PDGFRB: variants seen among roughly 807,000 people sequenced by gnomAD.
The protein encoded by PDGFRB is platelet-derived growth factor receptor beta.
Under a neutral mutation model 120.2 loss-of-function variants are expected in PDGFRB, and 42 were observed. That is an observed-to-expected ratio of 0.35 (90% CI 0.27 to 0.45). PDGFRB has a LOEUF of 0.45. PDGFRB is among the 20% of genes least tolerant of loss of function. PDGFRB has a pLI of 1.00. For missense variants in PDGFRB, 1,149 were observed against 1,476.3 expected, an observed-to-expected ratio of 0.78 and a Z score of 3.63; for synonymous variants, 586 against 606.8, an observed-to-expected ratio of 0.97 and a Z score of 0.50.
intron 1 of PDGFRB, among the ~76,000 whole-genome samples, chr5:150,152,432 AC>A (rs1761102474): frequency 1.3e-5 from 2 of 151,946 alleles, no homozygotes; most frequent in African/African-American, 2.4e-5. Flanking sequence ...GGGGCCCAAC[AC>A]CCCTTCCCTT....
chr5:150,115,933 C>T lies in PDGFRB; in HGVS notation c.3151G>A (p.Glu1051Lys), dbSNP rs1205902689. Residue 1051 changes from glutamate to lysine, a missense_variant, in exon 23 of 23, where the codon GAA becomes AAA. By Grantham distance (56) the Glu-to-Lys change is moderately conservative (BLOSUM62 1). Transcript: ENST00000261799. The stretch of plus-strand genomic sequence containing the variant: ...GAGATGGTTGAGGAGGTGTTGACTT[C>T]ATTCAGGGTGGAGCTAGAGGAAAGA... ...SPSLASSTLNEVNTSSTISCD... is the reference protein window; with the variant it reads ...SPSLASSTLNKVNTSSTISCD... 2 of 1,574,676 alleles carry T rather than the reference C, an allele frequency of 1.3e-6. No individual in the cohort carries two copies. Among genetic ancestry groups the T allele is most frequent in the Admixed American group, 1.8e-5 (1 of 54,462 alleles).
At chr5:150,126,420 T>C in intron 11 of PDGFRB, 100 bp downstream of exon 11, 1 of 759,444 alleles carries the variant, frequency 1.3e-6, no homozygotes, top group Non-Finnish European at 2.4e-6. Context: ...GAGCCCTGCA[T>C]GTGGCCAGAT....
chr5:150,115,923 G>T lies in PDGFRB; in HGVS notation c.3161C>A (p.Thr1054Asn). ...GCTGTCACAGGAGATGGTTGAGGAG[G>T]TGTTGACTTCATTCAGGGTGGAGCT... Reference protein sequence around the residue: ...LASSTLNEVNTSSTISCDSPL... With the variant: ...LASSTLNEVNNSSTISCDSPL... Residue 1054 changes from threonine to asparagine, a missense_variant, in exon 23 of 23, where the codon ACC (threonine) becomes AAC (asparagine). Coordinates refer to ENST00000261799, the MANE Select transcript of PDGFRB (RefSeq NM_002609.4). 1 of 1,585,944 alleles carries T rather than the reference G, an allele frequency of 6.3e-7. No individual in the cohort carries two copies. Among genetic ancestry groups the T allele is most frequent in the Non-Finnish European group, 8.6e-7 (1 of 1,164,412 alleles).
intron 1 of PDGFRB, among the ~76,000 whole-genome samples, chr5:150,138,891 C>T (rs1005265147): frequency 3.9e-5 from 6 of 152,262 alleles, no homozygotes; most frequent in African/African-American, 1.4e-4. Context: ...CCTCCTCTCC[C>T]AGTCTCCCTG....
chr5:150,115,996 T>C (rs953722278), intron 22 of PDGFRB, 50 bp from the exon 23 acceptor site: 1 of 1,515,522 alleles, frequency 6.6e-7, no homozygotes, highest in African/African-American at 1.4e-5. Flanking sequence ...CCCAGGAGGA[T>C]TCCAGCAGCA....
chr5:150,116,053 C>A, intron 22 of PDGFRB, 107 bp from the exon 23 acceptor site: 1 of 891,454 alleles, frequency 1.1e-6, no homozygotes, highest in Non-Finnish European at 1.7e-6. Flanking sequence ...GTAGGCTTCA[C>A]ACACTCCGGC....
At chr5:150,155,147 A>G (rs1278721615) in intron 1 of PDGFRB, among the ~76,000 whole-genome samples, 1 of 151,906 alleles carries the variant, frequency 6.6e-6, no homozygotes, top group Non-Finnish European at 1.5e-5. Context: ...ACCCCTGAGG[A>G]TTGTTTGATG....
intron 22 of PDGFRB, 60 bp downstream of exon 22, chr5:150,117,558 A>T (rs1397618458): frequency 1.1e-6 from 1 of 919,098 alleles, no homozygotes; most frequent in African/African-American, 1.7e-5. Context: ...ACACACACAC[A>T]CACACACACA....
Position 150,133,929 on chromosome 5 carries a change from C to T in PDGFRB, c.711G>A (p.Val237=). 1.2e-6 allele frequency: 2 copies of T among 1,613,980 alleles called. No individual in the cohort carries two copies. The highest frequency in any genetic ancestry group is 8.5e-7 in the Non-Finnish European group (1 of 1,179,854). Reference sequence around the variant, plus strand: ...CGAAGTTGACCACCTCATTCCCGATCACAATGCACATGAGGGTGATGTTCT... The same window carrying T: ...CGAAGTTGACCACCTCATTCCCGATTACAATGCACATGAGGGTGATGTTCT... ...QGENITLMCI[V]IGNEVVNFEW... is the part of the protein sequence containing the mutation. The change falls in exon 5 of 23, where the codon GTG becomes GTA. Residue 237 remains valine (V), a synonymous_variant. Transcript: ENST00000261799.
intron 14 of PDGFRB, among the ~76,000 whole-genome samples, chr5:150,123,485 C>T (rs565249774): frequency 4.6e-5 from 7 of 152,280 alleles, no homozygotes; most frequent in South Asian, 4.1e-4. Context: ...TGGCTGGGCA[C>T]GTGGCGAGCT....
At position 150,113,918 on chromosome 5, in the gene PDGFRB, A is replaced by T. The variant is rs1759837397; in HGVS notation, c.*1845T>A. 1.7e-5 allele frequency: 4 copies of T among 233,090 alleles called. No individual in the cohort carries two copies. The highest frequency in any genetic ancestry group is 3.4e-5 in the Non-Finnish European group (4 of 117,786). 14.4% of individuals were successfully genotyped at this position (233,090 alleles called of 1,614,324 possible). The stretch of plus-strand genomic sequence containing the variant: ...CACAGATAGAAAAACTCAACAGCAT[A>T]CAAAATAGCATTTCTGCTGTATAAA... On this transcript the variant is annotated 3_prime_UTR_variant, in exon 23 of 23. Coordinates refer to ENST00000261799, the MANE Select transcript of PDGFRB (RefSeq NM_002609.4).
At chr5:150,130,377 G>A (rs1310375366) in intron 9 of PDGFRB, among the ~76,000 whole-genome samples, 162 bp downstream of exon 9, 1 of 152,152 alleles carries the variant, frequency 6.6e-6, no homozygotes, top group Non-Finnish European at 1.5e-5. Context: ...GGACCATTTA[G>A]GTCATACAGA....
At chr5:150,129,314 C>T (rs1192296164) in intron 10 of PDGFRB, among the ~76,000 whole-genome samples, 5 of 151,876 alleles carry the variant, frequency 3.3e-5, no homozygotes, top group Non-Finnish European at 7.4e-5. Context: ...CTTACAAACA[C>T]GTGGTGGGTT....
rs767453556 is a variant in PDGFRB at position 150,120,922 on chromosome 5, A to G, written c.2552T>C (p.Ile851Thr). ...KICDFGLARDIMRDSNYISKG... is the reference protein window; with the variant it reads ...KICDFGLARDTMRDSNYISKG... Reference sequence around the variant, plus strand: ...GGAGATGTAATTCGAGTCCCGCATGATGTCTCGAGCCAGGCCAAAGTCACA... The same window carrying G: ...GGAGATGTAATTCGAGTCCCGCATGGTGTCTCGAGCCAGGCCAAAGTCACA... Residue 851 changes from isoleucine (I) to threonine (T), a missense_variant, in exon 18 of 23, where the codon ATC becomes ACC. Coordinates refer to ENST00000261799, the MANE Select transcript of PDGFRB (RefSeq NM_002609.4). The surrounding 1 kb of genome is among the most constrained non-coding windows in gnomAD (Gnocchi z 4.3). 8.1e-6 allele frequency: 13 copies of G among 1,613,848 alleles called. No homozygotes were observed. Among genetic ancestry groups the G allele is most frequent in the Non-Finnish European group, 1.1e-5 (13 of 1,179,878 alleles).
At chr5:150,142,462 T>C (rs540540960) in intron 1 of PDGFRB, among the ~76,000 whole-genome samples, 2 of 152,306 alleles carry the variant, frequency 1.3e-5, no homozygotes, top group South Asian at 2.1e-4. Flanking sequence ...TGCTAAGTTG[T>C]TGGGAGAAGT....
chr5:150,151,717 G>A (rs1469041830), intron 1 of PDGFRB, among the ~76,000 whole-genome samples: 1 of 151,838 alleles, frequency 6.6e-6, no homozygotes, highest in Non-Finnish European at 1.5e-5. Flanking sequence ...AAAATTAGCT[G>A]GGCATGGTGG....
intron 19 of PDGFRB, 38 bp from the exon 20 acceptor site, chr5:150,119,604 G>A: frequency 7.7e-7 from 1 of 1,290,390 alleles, no homozygotes. Context: ...ACAGGCTCAG[G>A]GGTGGAAAAG....
At chr5:150,127,447 C>T (rs1453183210) in intron 10 of PDGFRB, among the ~76,000 whole-genome samples, 1 of 152,192 alleles carries the variant, frequency 6.6e-6, no homozygotes, top group Admixed American at 6.5e-5. Context: ...CCATCCATTG[C>T]TATAACCTCA....
chr5:150,123,319 C>A, intron 14 of PDGFRB, 118 bp from the exon 15 acceptor site: 3 of 712,770 alleles, frequency 4.2e-6, no homozygotes, highest in Admixed American at 5.1e-5. Context: ...GGCTAGGAGG[C>A]TTTAGTGCCT....
Sources: allele counts gnomAD v4.1 joint callset (sites outside exome capture counted in the v4.1 genomes callset), GRCh38; gene constraint gnomAD v4.1.1; non-coding constraint Gnocchi (gnomAD v3.1); transcripts MANE v1.5; gene names NCBI Gene and HGNC (gene_info 2026-07-23, HGNC 2026-07-21).